Variants in PKP4 observed in about 807,000 individuals in gnomAD.
PKP4 encodes the protein plakophilin-4.
Under a neutral mutation model 145.1 loss-of-function variants are expected in PKP4, and 90 were observed. The observed-to-expected ratio is 0.62, with a 90% confidence interval of 0.52 to 0.74. PKP4 has a LOEUF of 0.74. Among genes scored for constraint, PKP4 ranks in the 30% least tolerant of loss-of-function variants. The pLI is 0.00. For synonymous variants in PKP4, 563 were observed against 577.2 expected (o/e 0.98, Z 0.35); for missense variants, 1,340 against 1,482.7 (o/e 0.90, Z 1.58).
intron 11 of PKP4, among the ~76,000 whole-genome samples, chr2:158,643,563 G>T (rs2054508363): frequency 6.6e-6 from 1 of 151,946 alleles, no homozygotes; most frequent in Non-Finnish European, 1.5e-5. Context: ...ATAAAAATAA[G>T]TAGCTGGATG....
At chr2:158,522,797 G>A (rs901445621) in intron 1 of PKP4, among the ~76,000 whole-genome samples, 3 of 152,226 alleles carry the variant, frequency 2.0e-5, no homozygotes, top group East Asian at 1.9e-4. Context: ...GCCAAAGCAG[G>A]GCGAGGCATT....
intron 1 of PKP4, among the ~76,000 whole-genome samples, chr2:158,529,004 T>A (rs897591160): frequency 7.2e-5 from 11 of 152,142 alleles, no homozygotes; most frequent in Non-Finnish European, 1.0e-4. Context: ...AGATTTAGAG[T>A]TTCCTGTCTC....
At chr2:158,460,205 C>CTTTTTGCAGCAGTAT (rs1689560427) in intron 1 of PKP4, among the ~76,000 whole-genome samples, 1 of 152,166 alleles carries the variant, frequency 6.6e-6, no homozygotes, top group Non-Finnish European at 1.5e-5. Context: ...AAATTATATA[C>CTTTTTGCAGCAGTAT]ATTATTGCAG....
chr2:158,637,465 T>C (rs2053904259), intron 9 of PKP4, among the ~76,000 whole-genome samples: 1 of 152,156 alleles, frequency 6.6e-6, no homozygotes. Flanking sequence ...TCACCTCTGC[T>C]TAGCTCCCTT....
At chr2:158,530,528 T>G (rs2043437465) in intron 1 of PKP4, among the ~76,000 whole-genome samples, 1 of 120,876 alleles carries the variant, frequency 8.3e-6, no homozygotes, top group South Asian at 3.1e-4. Flanking sequence ...TTTTTTTTTT[T>G]GCTAGTGGAA....
chr2:158,676,564 C>G (rs2058027685), intron 19 of PKP4, among the ~76,000 whole-genome samples, 175 bp from the exon 20 acceptor site: 1 of 152,292 alleles, frequency 6.6e-6, no homozygotes, highest in African/African-American at 2.4e-5. Context: ...GTAGCACTTG[C>G]AGTACTTGGG....
chr2:158,606,286 C>T (rs767074858), intron 4 of PKP4, among the ~76,000 whole-genome samples: 9 of 151,704 alleles, frequency 5.9e-5, no homozygotes, highest in Non-Finnish European at 1.2e-4. Context: ...CTGCAATGAG[C>T]GGAGATAGCA....
At chr2:158,538,190 C>G (rs1040927943) in intron 2 of PKP4, among the ~76,000 whole-genome samples, 6 of 152,188 alleles carry the variant, frequency 3.9e-5, no homozygotes, top group African/African-American at 1.4e-4. Context: ...CTGCCCTCTG[C>G]AACTTACTTA....
chr2:158,510,070 TCAAAACCCTCA>T (rs2041363168), intron 1 of PKP4, among the ~76,000 whole-genome samples: 1 of 152,154 alleles, frequency 6.6e-6, no homozygotes, highest in Non-Finnish European at 1.5e-5. Flanking sequence ...TTTAAGAAAT[TCAAAACCCTCA>T]CCTAAAAGGA....
chr2:158,582,453 A>G (rs1294924993), intron 3 of PKP4, among the ~76,000 whole-genome samples: 1 of 152,260 alleles, frequency 6.6e-6, no homozygotes, highest in Non-Finnish European at 1.5e-5. Context: ...GAAAAATAAG[A>G]TGAAGCCAAG....
At chr2:158,583,619 C>T (rs572876334) in intron 3 of PKP4, among the ~76,000 whole-genome samples, 66 of 152,156 alleles carry the variant, frequency 4.3e-4, no homozygotes, top group Non-Finnish European at 7.5e-4. Context: ...AGTTGTGTGA[C>T]GACCACCACC....
chr2:158,643,724 A>AAAG (rs1558941922), intron 11 of PKP4, among the ~76,000 whole-genome samples: 1 of 44,628 alleles, frequency 2.2e-5, no homozygotes, highest in African/African-American at 5.2e-5. Flanking sequence ...AAAAAAAAAA[A>AAAG]AAAAGAAAAG....
At chr2:158,542,618 G>A (rs534802145) in intron 2 of PKP4, among the ~76,000 whole-genome samples, 30 of 152,256 alleles carry the variant, frequency 2.0e-4, no homozygotes, top group African/African-American at 7.0e-4. Flanking sequence ...TGTCAGAGTT[G>A]GAGAGTGCTC....
chr2:158,465,495 G>C (rs904577538), intron 1 of PKP4, among the ~76,000 whole-genome samples: 1 of 152,150 alleles, frequency 6.6e-6, no homozygotes, highest in African/African-American at 2.4e-5. Context: ...AATTTATGCT[G>C]TAAGACCTGC....
At chr2:158,562,851 G>A (rs931827479) in intron 2 of PKP4, among the ~76,000 whole-genome samples, 1 of 152,096 alleles carries the variant, frequency 6.6e-6, no homozygotes, top group Non-Finnish European at 1.5e-5. Flanking sequence ...CCTCTTGCGT[G>A]TTTTATTTTC....
At position 158,584,236 on chromosome 2, in the gene PKP4, A is replaced by G. The variant is rs553503977; in HGVS notation, c.245+6853A>G. 2.6e-5 allele frequency among the ~76,000 whole-genome samples: 4 copies of G among 152,344 alleles called. No individual in the cohort carries two copies. The South Asian group carries it at 8.3e-4, about 32-fold the overall frequency. On this transcript the variant is annotated intron_variant, in intron 3 of 21. Transcript: ENST00000389759. The stretch of plus-strand genomic sequence containing the variant: ...TAGAGGTGTTTAGTCATAATCCCAC[A>G]GATGGCAGCTTTGCCCCATTGGCTC...
At chr2:158,461,195 T>G (rs1454160689) in intron 1 of PKP4, among the ~76,000 whole-genome samples, 1 of 152,216 alleles carries the variant, frequency 6.6e-6, no homozygotes, top group East Asian at 1.9e-4. Context: ...CTTTAATAAT[T>G]CAGTGGAATT....
At chr2:158,559,013 T>C (rs1368492993) in intron 2 of PKP4, among the ~76,000 whole-genome samples, 1 of 152,182 alleles carries the variant, frequency 6.6e-6, no homozygotes, top group Non-Finnish European at 1.5e-5. Context: ...ACCTGGTATG[T>C]AGGATGTTGG....
rs2053395829 is a variant in PKP4, at chr2:158,631,878, A to G, written c.1279A>G (p.Ser427Gly). Residue 427 changes from serine to glycine, a missense_variant, in exon 8 of 22, where the codon AGC becomes GGC. Coordinates refer to ENST00000389759, the MANE Select transcript of PKP4 (RefSeq NM_003628.6). ...GRTYYSPVYRSPNHGTVELQG... is the reference protein window; with the variant it reads ...GRTYYSPVYRGPNHGTVELQG... ...GACCTATTACAGCCCAGTGTACCGC[A>G]GCCCAAACCATGGAACTGTGGAGCT... The G allele has an allele frequency of 6.2e-7, 1 of 1,614,062 alleles. No individual in the cohort carries two copies. The highest frequency in any genetic ancestry group is 1.3e-5 in the African/African-American group (1 of 74,930).
Sources: gnomAD v4.1 joint callset for allele counts (sites outside exome capture counted in the v4.1 genomes callset) on GRCh38, gnomAD v4.1.1 for gene constraint, MANE v1.5 for transcripts, NCBI Gene and HGNC (gene_info 2026-07-23, HGNC 2026-07-21) for gene names.